Variants in VRK2 observed in about 807,000 individuals in gnomAD.
The protein encoded by VRK2 is serine/threonine-protein kinase VRK2.
In VRK2, 60 loss-of-function variants were observed where a neutral mutation model predicts 57.6. The ratio of observed to expected loss-of-function variants is 1.04; its 90% CI spans 0.85 to 1.29. The LOEUF (loss-of-function observed/expected upper bound fraction) is 1.29. Among genes scored for constraint, VRK2 ranks in the 50% most tolerant of loss-of-function variants. The pLI is 0.00. For missense variants in VRK2, 705 were observed against 588.1 expected (o/e 1.20, Z -2.06); for synonymous variants, 231 against 199.2 (o/e 1.16, Z -1.35).
chr2:57,944,829 T>C (rs2678898), intron 1 of VRK2, among the ~76,000 whole-genome samples: 48,239 of 151,856 alleles, frequency 0.32, 8,421 homozygotes, highest in East Asian at 0.42. Flanking sequence ...GTTCCCTTTT[T>C]TTCAAGAAGA....
intron 2 of VRK2, among the ~76,000 whole-genome samples, chr2:58,063,237 TTTTG>T (rs1417092584): frequency 2.7e-5 from 4 of 146,586 alleles, no homozygotes; most frequent in Admixed American, 6.8e-5. Context: ...TATGTCACAG[TTTTG>T]TTTTTTTTTT....
intron 1 of VRK2, among the ~76,000 whole-genome samples, chr2:57,919,311 T>C (rs1026358976): frequency 5.9e-5 from 9 of 152,132 alleles, no homozygotes; most frequent in Non-Finnish European, 1.3e-4. Context: ...TATAATGTTT[T>C]ATAAGAAATA....
chr2:58,048,367 C>T lies in VRK2; in HGVS notation c.-5-460C>T, dbSNP rs148034795. Among the ~76,000 whole-genome samples the T allele has an allele frequency of 4.3e-3, 650 of 152,140 alleles. 1 individual carries two copies. The highest frequency in any genetic ancestry group is 7.5e-3 in the Admixed American group (114 of 15,290). On this transcript the variant is annotated intron_variant, in intron 1 of 12. Transcript: ENST00000340157. Reference sequence around the variant, plus strand: ...TATCACGGTGGTGAGATGTCCATTGCCATTGTCTGTGTCTTCCCAATCCAA... The same window carrying T: ...TATCACGGTGGTGAGATGTCCATTGTCATTGTCTGTGTCTTCCCAATCCAA...
At chr2:58,028,938 A>ATT (rs1438846223) in intron 2 of VRK2, among the ~76,000 whole-genome samples, 3 of 132,338 alleles carry the variant, frequency 2.3e-5, no homozygotes, top group Non-Finnish European at 4.8e-5. Flanking sequence ...ATATATATAT[A>ATT]TATATTTAGA....
intron 3 of VRK2, among the ~76,000 whole-genome samples, chr2:58,084,537 C>T (rs1054963997): frequency 2.0e-5 from 3 of 151,814 alleles, no homozygotes; most frequent in Non-Finnish European, 4.4e-5. Context: ...GGAGAGTTTG[C>T]TGTGTATCAC....
At chr2:58,155,073 T>A (rs919750493) in intron 12 of VRK2, among the ~76,000 whole-genome samples, 1 of 152,210 alleles carries the variant, frequency 6.6e-6, no homozygotes, top group African/African-American at 2.4e-5. Context: ...AATGTTCCAG[T>A]TGCAGTTGAA....
At chr2:58,157,767 A>G (rs1201330919) in intron 12 of VRK2, among the ~76,000 whole-genome samples, 1 of 152,250 alleles carries the variant, frequency 6.6e-6, no homozygotes, top group East Asian at 1.9e-4. Flanking sequence ...TTAAAAGGCC[A>G]GAAAGAAAAT....
chr2:58,050,725 T>TA, intron 2 of VRK2, among the ~76,000 whole-genome samples: 1 of 152,392 alleles, frequency 6.6e-6, no homozygotes, highest in African/African-American at 2.4e-5. Flanking sequence ...TGTGTACACA[T>TA]AGTCACTATT....
In VRK2 at chr2:58,147,998, G is replaced by A. The variant is rs76900480; in HGVS notation, c.1182+1524G>A. Among the ~76,000 whole-genome samples, 263 of 151,898 alleles carry A rather than the reference G, an allele frequency of 1.7e-3. 2 individuals are homozygous for A. Among genetic ancestry groups the A allele is most frequent in the Non-Finnish European group, 3.0e-3 (203 of 67,812 alleles). On this transcript the variant is annotated intron_variant, in intron 12 of 12. Coordinates refer to ENST00000340157, the MANE Select transcript of VRK2 (RefSeq NM_006296.7). ...CTCATTTCTGGCCACCATGAATATA[G>A]TTGCTACAAACATTCTGGCACAAAT...
In VRK2 at chr2:57,922,252, C is replaced by T. The variant is rs191903126; in HGVS notation, c.-439+14413C>T. On this transcript the variant is annotated intron_variant, in intron 1 of 15. Coordinates refer to the VRK2 transcript ENST00000417641. ...AGAAATTAAAAAAACAGGAAAGATA[C>T]GCATTCTAAAATTCTGCTATATATA... Among the ~76,000 whole-genome samples, 562 of 151,962 alleles carry T rather than the reference C, an allele frequency of 3.7e-3. 1 individual carries two copies. The highest frequency in any genetic ancestry group is 6.8e-3 in the Non-Finnish European group (464 of 67,902).
chr2:58,029,251 T>C (rs1291283971), intron 2 of VRK2, among the ~76,000 whole-genome samples: 1 of 152,104 alleles, frequency 6.6e-6, no homozygotes, highest in East Asian at 1.9e-4. Flanking sequence ...TCTCCAGGCA[T>C]GAAGGATCAA....
chr2:58,127,564 G>A (rs966961992), intron 8 of VRK2, among the ~76,000 whole-genome samples: 4 of 152,024 alleles, frequency 2.6e-5, no homozygotes, highest in Non-Finnish European at 5.9e-5. Flanking sequence ...AAAATATTCT[G>A]GATCTTTATA....
At chr2:58,044,410 G>A (rs1288747741), upstream of VRK2, among the ~76,000 whole-genome samples, 2 of 152,206 alleles carry the variant, frequency 1.3e-5, no homozygotes, top group Non-Finnish European at 1.5e-5. Flanking sequence ...CATTGAAGAA[G>A]GAAATGGTTG....
intron 1 of VRK2, among the ~76,000 whole-genome samples, chr2:57,913,753 A>G (rs1043812725): frequency 6.6e-6 from 1 of 152,174 alleles, no homozygotes; most frequent in African/African-American, 2.4e-5. Context: ...CTGCAGAGAC[A>G]TATGGAATAT....
At chr2:58,114,801 AC>A (rs1208159213) in intron 7 of VRK2, among the ~76,000 whole-genome samples, 2 of 152,178 alleles carry the variant, frequency 1.3e-5, no homozygotes, top group African/African-American at 4.8e-5. Context: ...ATTATGTCTG[AC>A]AGAAGGGAAG....
chr2:58,016,218 T>C (rs1016067638), intron 1 of VRK2, among the ~76,000 whole-genome samples: 1 of 151,258 alleles, frequency 6.6e-6, no homozygotes, highest in Non-Finnish European at 1.5e-5. Context: ...AAATTTGTTA[T>C]TGTATGTAAA....
chr2:57,976,869 T>C (rs1199211571), intron 1 of VRK2, among the ~76,000 whole-genome samples: 1 of 152,186 alleles, frequency 6.6e-6, no homozygotes, highest in Non-Finnish European at 1.5e-5. Context: ...TATTTAAATT[T>C]TTAATTCCTC....
At chr2:57,969,413 T>C (rs1672023640) in intron 1 of VRK2, among the ~76,000 whole-genome samples, 1 of 151,728 alleles carries the variant, frequency 6.6e-6, no homozygotes, top group Admixed American at 6.6e-5. Context: ...AAGGAGAAAA[T>C]ACATTATAAA....
intron 1 of VRK2, among the ~76,000 whole-genome samples, chr2:58,009,414 T>C (rs1281454937): frequency 6.6e-6 from 1 of 151,622 alleles, no homozygotes; most frequent in Non-Finnish European, 1.5e-5. Flanking sequence ...ATATCAGCCA[T>C]GACCATGTGA....
Sources: allele counts gnomAD v4.1 joint callset (sites outside exome capture counted in the v4.1 genomes callset), GRCh38; gene constraint gnomAD v4.1.1; transcripts MANE v1.5; gene names NCBI Gene and HGNC (gene_info 2026-07-23, HGNC 2026-07-21).